The following PDE4C variants were observed in gnomAD, a reference collection of about 807,000 sequenced individuals.
PDE4C encodes phosphodiesterase 4C, also known as 3',5'-cyclic-AMP phosphodiesterase 4C.
A neutral mutation model predicts 63.9 loss-of-function variants in PDE4C; 50 were observed. The ratio of observed to expected loss-of-function variants is 0.78; its 90% CI spans 0.62 to 0.99. The LOEUF is 0.99. Among genes scored for constraint, PDE4C ranks in the 50% least tolerant of loss-of-function variants. The probability of loss-of-function intolerance (pLI) is 0.00; values close to 1 mark genes in which losing one functional copy is unlikely to be tolerated. For missense variants in PDE4C, 777 were observed against 899.1 expected (o/e 0.86, Z 1.74); for synonymous variants, 377 against 385.1 (o/e 0.98, Z 0.25).
intron 1 of PDE4C, chr19:18,224,459 A>G (rs1311329614): frequency 1.2e-5 from 12 of 985,476 alleles, no homozygotes; most frequent in Non-Finnish European, 1.4e-5. Context: ...CGGTCCAAGT[A>G]TGACCGGGTC....
the PDE4C span, among the ~76,000 whole-genome samples, chr19:18,253,567 C>CAT: frequency 6.7e-6 from 1 of 148,936 alleles, no homozygotes; most frequent in African/African-American, 2.5e-5. Flanking sequence ...AAAAAAAACA[C>CAT]ACACACACAA....
At chr19:18,230,192 C>T (rs1365679674), upstream of PDE4C, among the ~76,000 whole-genome samples, 1 of 152,184 alleles carries the variant, frequency 6.6e-6, no homozygotes, top group East Asian at 1.9e-4. Context: ...CAGTACTTGG[C>T]ACTTAGTAGA....
At chr19:18,241,593 G>T (rs1225857999) in intron 1 of PDE4C, among the ~76,000 whole-genome samples, 1 of 151,798 alleles carries the variant, frequency 6.6e-6, no homozygotes, top group Non-Finnish European at 1.5e-5. Flanking sequence ...CTGTCACCCA[G>T]GCTGGAGCGT....
upstream of PDE4C, among the ~76,000 whole-genome samples, chr19:18,236,360 G>T (rs547158380): frequency 6.6e-6 from 1 of 152,178 alleles, no homozygotes; most frequent in Admixed American, 6.5e-5. Flanking sequence ...CTCCTGAGTA[G>T]CTGGGACTAC....
chr19:18,208,646 G>T (rs560307765), downstream of PDE4C: 1 of 152,300 alleles, frequency 6.6e-6, no homozygotes, highest in South Asian at 2.1e-4. Context: ...TTGGTCAATC[G>T]AATGTCTTAA....
rs541979734 is a variant in PDE4C, at chr19:18,231,833, CTA to C, written c.242+1115_242+1116del. ...CCCCTGAGGATTCTACATTATCTTT[CTA>C]TGAGTCTCTTCTGTCTCTGTCCTAA... On this transcript the variant is annotated intron_variant, in intron 1 of 14. Coordinates refer to the PDE4C transcript ENST00000594465. Among the ~76,000 whole-genome samples the C allele has an allele frequency of 1.2e-4, 18 of 152,196 alleles. No individual in the cohort carries two copies. In the South Asian group the frequency reaches 3.7e-3, roughly 32 times the overall value.
chr19:18,238,055 C>A (rs1968982812), upstream of PDE4C, among the ~76,000 whole-genome samples: 1 of 151,830 alleles, frequency 6.6e-6, no homozygotes, highest in Non-Finnish European at 1.5e-5. Flanking sequence ...GAGACACTAG[C>A]TCTACAAAAA....
intron 1 of PDE4C, among the ~76,000 whole-genome samples, chr19:18,240,437 A>AC (rs1393831937): frequency 4.7e-5 from 7 of 149,356 alleles, no homozygotes; most frequent in Non-Finnish European, 1.5e-5. Context: ...AAAAAAAAAA[A>AC]AAAAACGGGG....
chr19:18,230,373 G>A (rs575890239), upstream of PDE4C, among the ~76,000 whole-genome samples: 1 of 152,198 alleles, frequency 6.6e-6, no homozygotes, highest in South Asian at 2.1e-4. Flanking sequence ...GCATGGTGGT[G>A]GGCACCTGTA....
intron 1 of PDE4C, chr19:18,232,918 C>T (rs972193097): frequency 1.4e-6 from 2 of 1,422,724 alleles, no homozygotes; most frequent in Non-Finnish European, 1.8e-6. Context: ...CCCTCCCCCG[C>T]GCTGCAGGAG....
At chr19:18,247,852 C>T (rs540816447) in intron 1 of PDE4C, among the ~76,000 whole-genome samples, 2 of 152,288 alleles carry the variant, frequency 1.3e-5, no homozygotes, top group East Asian at 3.9e-4. Flanking sequence ...CCCCAAGGAA[C>T]TAAATCAAGG....
chr19:18,243,027 G>A (rs1481255514), intron 1 of PDE4C, among the ~76,000 whole-genome samples: 5 of 152,136 alleles, frequency 3.3e-5, no homozygotes, highest in African/African-American at 1.2e-4. Flanking sequence ...GCCTGTGAGT[G>A]GATCTGAGAT....
At chr19:18,249,139 GA>G (rs1167899245), upstream of PDE4C, among the ~76,000 whole-genome samples, 16 of 151,562 alleles carry the variant, frequency 1.1e-4, no homozygotes. Context: ...TCTCAAAAAA[GA>G]AAAAAAGAGA....
At chr19:18,222,657 TTCTCTCTCTCTCTC>T (rs138832810) in intron 1 of PDE4C, among the ~76,000 whole-genome samples, 15 of 82,380 alleles carry the variant, frequency 1.8e-4, no homozygotes, top group Non-Finnish European at 3.0e-4. Context: ...TTCTCGTTCT[TTCTCTCTCTCTCTC>T]TCTCTCTCTC....
chr19:18,220,548 C>G lies in PDE4C; in HGVS notation c.500-33G>C. 3.6e-6 allele frequency: 1 copy of G among 279,508 alleles called. No individual in the cohort carries two copies. Among genetic ancestry groups the G allele is most frequent in the Non-Finnish European group, 6.1e-6 (1 of 163,508 alleles). The allele number at this position is 279,508 out of a possible 1,614,324, so 17.3% of individuals were successfully genotyped here. On this transcript the variant is annotated intron_variant, in intron 5 of 14. Transcript: ENST00000262805. The surrounding 1 kb of genome is among the most constrained non-coding windows in gnomAD (Gnocchi z 5.1). ...CCGAGGCAGTCAGGGGCCTGCCCAA[C>G]CCCCCCGCTCAGGGACCCCACGCCT...
At chr19:18,216,959 G>T in intron 11 of PDE4C, 64 bp from the exon 12 acceptor site, 1 of 1,519,528 alleles carries the variant, frequency 6.6e-7, no homozygotes, top group South Asian at 1.3e-5. Flanking sequence ...CCCAAAAGCA[G>T]CTTTTGGAAA....
chr19:18,249,946 C>G, upstream of PDE4C: 1 of 394,746 alleles, frequency 2.5e-6, no homozygotes, highest in Non-Finnish European at 4.5e-6. Flanking sequence ...ATGGTCCCCA[C>G]TGTGACCCCA....
At chr19:18,238,607 A>G (rs1212150707), upstream of PDE4C, among the ~76,000 whole-genome samples, 1 of 152,154 alleles carries the variant, frequency 6.6e-6, no homozygotes, top group African/African-American at 2.4e-5. Flanking sequence ...TATATGCTAT[A>G]TAATGCTATT....
chr19:18,225,397 G>T (rs1298071478), intron 1 of PDE4C: 1 of 152,384 alleles, frequency 6.6e-6, no homozygotes, highest in Non-Finnish European at 1.5e-5. Context: ...CCAGGACACG[G>T]AACCCCCACT....
Sources: gnomAD v4.1 joint callset for allele counts (sites outside exome capture counted in the v4.1 genomes callset) on GRCh38, gnomAD v4.1.1 for gene constraint, Gnocchi (gnomAD v3.1) non-coding constraint, MANE v1.5 for transcripts, NCBI Gene and HGNC (gene_info 2026-07-23, HGNC 2026-07-21) for gene names.